CEP170: variants seen among roughly 807,000 people sequenced by gnomAD.
CEP170 encodes centrosomal protein of 170 kDa.
A neutral mutation model predicts 151.9 loss-of-function variants in CEP170; 21 were observed. The observed-to-expected ratio is 0.14, with a 90% CI of 0.10 to 0.20. The LOEUF is 0.20. CEP170 is among the 10% of genes least tolerant of loss of function. The pLI is 1.00. For synonymous variants in CEP170, 356 were observed against 648.8 expected (o/e 0.55, Z 6.86); for missense variants, 964 against 1,892.9 (o/e 0.51, Z 9.11).
At chr1:243,211,742 T>C (rs771971773) in intron 4 of CEP170, 144 bp downstream of exon 4, 38 of 903,162 alleles carry the variant, frequency 4.2e-5, no homozygotes, top group African/African-American at 8.6e-5. Flanking sequence ...TAAAAATATA[T>C]ATGTATTTTA....
intron 17 of CEP170, among the ~76,000 whole-genome samples, chr1:243,131,601 T>C (rs944778312): frequency 7.2e-5 from 11 of 152,020 alleles, no homozygotes; most frequent in African/African-American, 2.7e-4. Flanking sequence ...TTTACTATAA[T>C]ATTTACTATA....
At chr1:243,207,898 T>C (rs2061527236) in intron 4 of CEP170, among the ~76,000 whole-genome samples, 1 of 151,784 alleles carries the variant, frequency 6.6e-6, no homozygotes, top group African/African-American at 2.4e-5. Flanking sequence ...CCTCAGCTCC[T>C]ACCTAGAAAA....
At chr1:243,241,512 G>A (rs905266086) in intron 1 of CEP170, among the ~76,000 whole-genome samples, 1 of 152,294 alleles carries the variant, frequency 6.6e-6, no homozygotes, top group Non-Finnish European at 1.5e-5. Context: ...AATGTAGGCC[G>A]GGAGTGGTGG....
At chr1:243,156,006 A>T (rs141293741) in intron 14 of CEP170, among the ~76,000 whole-genome samples, 1 of 152,156 alleles carries the variant, frequency 6.6e-6, no homozygotes, top group Non-Finnish European at 1.5e-5. Flanking sequence ...AGGTCAAAAT[A>T]AATTAATTCT....
At chr1:243,251,778 T>G (rs530787637) in intron 1 of CEP170, among the ~76,000 whole-genome samples, 1 of 152,200 alleles carries the variant, frequency 6.6e-6, no homozygotes, top group Non-Finnish European at 1.5e-5. Context: ...TTCCTGTTTG[T>G]ATGTAAGTAG....
intron 3 of CEP170, among the ~76,000 whole-genome samples, chr1:243,215,504 A>G (rs1483567590): frequency 1.3e-5 from 2 of 152,112 alleles, no homozygotes; most frequent in Admixed American, 6.5e-5. Flanking sequence ...TTACGGTTGG[A>G]GATAAGGGAT....
chr1:243,128,864 G>C (rs2148158010), intron 18 of CEP170: 1 of 152,838 alleles, frequency 6.5e-6, no homozygotes, highest in Non-Finnish European at 1.5e-5. Context: ...ACAGTACCCG[G>C]CCGCAAAGAT....
chr1:243,131,653 A>G (rs1256451121), intron 17 of CEP170, among the ~76,000 whole-genome samples: 1 of 152,062 alleles, frequency 6.6e-6, no homozygotes, highest in Non-Finnish European at 1.5e-5. Context: ...AAACCAGACC[A>G]AGAAATTAGT....
intron 1 of CEP170, among the ~76,000 whole-genome samples, chr1:243,254,110 C>T (rs1423824713): frequency 6.6e-6 from 1 of 152,052 alleles, no homozygotes; most frequent in Non-Finnish European, 1.5e-5. Flanking sequence ...TCCAACGTCA[C>T]CTAGTAATTT....
intron 3 of CEP170, among the ~76,000 whole-genome samples, chr1:243,221,265 C>T (rs528865670): frequency 5.9e-5 from 9 of 152,194 alleles, no homozygotes; most frequent in Non-Finnish European, 1.2e-4. Flanking sequence ...CCTCGTGATC[C>T]GCCCGCCTCG....
chr1:243,195,367 G>A (rs2060576577), intron 7 of CEP170, among the ~76,000 whole-genome samples: 2 of 151,926 alleles, frequency 1.3e-5, no homozygotes, highest in African/African-American at 4.8e-5. Context: ...ATAAATTGAG[G>A]ACAAACTTTA....
intron 3 of CEP170, among the ~76,000 whole-genome samples, chr1:243,213,342 C>T (rs1358922772): frequency 6.6e-6 from 1 of 152,056 alleles, no homozygotes; most frequent in Non-Finnish European, 1.5e-5. Flanking sequence ...GAGATAAAAT[C>T]TTTATACATT....
At chr1:243,144,089 T>G (rs1173104393) in intron 14 of CEP170, among the ~76,000 whole-genome samples, 1 of 152,350 alleles carries the variant, frequency 6.6e-6, no homozygotes, top group African/African-American at 2.4e-5. Context: ...TGATTGCTTA[T>G]GATGTGCCAG....
rs183292008 is a variant in CEP170 at position 243,244,198 on chromosome 1, G to T, written c.-42+10842C>A. The stretch of plus-strand genomic sequence containing the variant: ...GAATGATAAATAAATGGCTAGGTAT[G>T]TGATAAAACTGCTATCGTGTTCCTA... On this transcript the variant is annotated intron_variant, in intron 1 of 19. Transcript: ENST00000366542. Among the ~76,000 whole-genome samples, 313 of 152,292 alleles carry T rather than the reference G, an allele frequency of 2.1e-3. 2 individuals are homozygous for T. Among genetic ancestry groups the T allele is most frequent in the African/African-American group, 7.2e-3 (299 of 41,570 alleles).
In CEP170 at chr1:243,212,576, C is replaced by T. The variant is rs181391656; in HGVS notation, c.196-612G>A. Among the ~76,000 whole-genome samples, 132 of 152,232 alleles carry T rather than the reference C, an allele frequency of 8.7e-4. 1 individual carries two copies. Among genetic ancestry groups the T allele is most frequent in the African/African-American group, 3.1e-3 (127 of 41,532 alleles). ...TAGCAACTATTTAATATTTACTCAT[C>T]AATTATTCCAAACAACGCTAAAAGT... On this transcript the variant is annotated intron_variant, in intron 3 of 19. Transcript: ENST00000366542.
chr1:243,147,967 G>A (rs1228169589), intron 14 of CEP170, among the ~76,000 whole-genome samples: 1 of 152,076 alleles, frequency 6.6e-6, no homozygotes, highest in African/African-American at 2.4e-5. Context: ...GATCACTTGA[G>A]GTCAGGAGTT....
At chr1:243,226,544 A>C (rs1252042576) in intron 1 of CEP170, among the ~76,000 whole-genome samples, 1 of 152,142 alleles carries the variant, frequency 6.6e-6, no homozygotes, top group African/African-American at 2.4e-5. Context: ...GAAAAGGGAG[A>C]GGTAATTTAA....
intron 1 of CEP170, among the ~76,000 whole-genome samples, chr1:243,236,413 G>C (rs1231036748): frequency 6.6e-6 from 1 of 152,116 alleles, no homozygotes; most frequent in East Asian, 1.9e-4. Context: ...CTAACACTCT[G>C]TTTGGGCAAT....
chr1:243,157,761 G>C (rs1265344161), intron 13 of CEP170, among the ~76,000 whole-genome samples: 1 of 152,048 alleles, frequency 6.6e-6, no homozygotes, highest in Non-Finnish European at 1.5e-5. Flanking sequence ...GATAAAACTG[G>C]CATATATTGC....
Sources: allele counts gnomAD v4.1 joint callset (sites outside exome capture counted in the v4.1 genomes callset), GRCh38; gene constraint gnomAD v4.1.1; transcripts MANE v1.5; gene names NCBI Gene and HGNC (gene_info 2026-07-23, HGNC 2026-07-21).